Variants in CECR2 observed in about 807,000 individuals in gnomAD.
The protein encoded by CECR2 is chromatin remodeling regulator CECR2.
Under a neutral mutation model 154.5 loss-of-function variants are expected in CECR2, and 30 were observed. That is an observed-to-expected ratio of 0.19 (90% confidence interval 0.15 to 0.26). The LOEUF (loss-of-function observed/expected upper bound fraction) is 0.26, where lower values mean the gene tolerates loss of function less well. Ranked by LOEUF, CECR2 falls within the 10% of genes least tolerant of loss-of-function variation. CECR2 has a pLI of 1.00. For synonymous variants in CECR2, 725 were observed against 683.7 expected, an observed-to-expected ratio of 1.06 and a Z score of -0.94; for missense variants, 1,743 against 1,829.3, an observed-to-expected ratio of 0.95 and a Z score of 0.86.
intron 8 of CECR2, among the ~76,000 whole-genome samples, chr22:17,516,719 C>G (rs966299216): frequency 6.6e-6 from 1 of 152,148 alleles, no homozygotes; most frequent in African/African-American, 2.4e-5. Flanking sequence ...CTCAGCCTCA[C>G]GAGTAGCTGG....
At chr22:17,480,534 A>G (rs1344502273) in intron 2 of CECR2, among the ~76,000 whole-genome samples, 2 of 152,114 alleles carry the variant, frequency 1.3e-5, no homozygotes, top group Non-Finnish European at 2.9e-5. Flanking sequence ...GTAACAGAGA[A>G]CCTGGACAAG....
At chr22:17,431,243 T>A (rs1202688099) in intron 1 of CECR2, among the ~76,000 whole-genome samples, 1 of 152,226 alleles carries the variant, frequency 6.6e-6, no homozygotes, top group Non-Finnish European at 1.5e-5. Context: ...GATTGCTGTT[T>A]CTTTTACAGG....
chr22:17,480,856 G>A (rs1436213856), intron 2 of CECR2, among the ~76,000 whole-genome samples: 4 of 151,726 alleles, frequency 2.6e-5, no homozygotes, highest in Non-Finnish European at 4.4e-5. Context: ...TCTGGCCAAT[G>A]TGATGAAACC....
chr22:17,403,547 ACAT>A (rs1167292937), intron 1 of CECR2, among the ~76,000 whole-genome samples: 1 of 152,142 alleles, frequency 6.6e-6, no homozygotes, highest in Non-Finnish European at 1.5e-5. Context: ...TAGTTTTTTC[ACAT>A]CATCAATACT....
At chr22:17,528,727 G>T (rs2056305445) in intron 9 of CECR2, among the ~76,000 whole-genome samples, 1 of 152,096 alleles carries the variant, frequency 6.6e-6, no homozygotes, top group Non-Finnish European at 1.5e-5. Flanking sequence ...GTAGAGATGG[G>T]GTTTTGCCGT....
intron 1 of CECR2, among the ~76,000 whole-genome samples, chr22:17,432,253 C>A (rs13058087): frequency 6.6e-6 from 1 of 152,228 alleles, no homozygotes; most frequent in Non-Finnish European, 1.5e-5. Flanking sequence ...CTGGCTTTTT[C>A]ACTTAGCAGA....
At chr22:17,382,064 T>TG (rs1303341089) in intron 1 of CECR2, among the ~76,000 whole-genome samples, 2 of 151,666 alleles carry the variant, frequency 1.3e-5, no homozygotes, top group Non-Finnish European at 2.9e-5. Context: ...ATTTTTTTTT[T>TG]TTTTTTTAGT....
chr22:17,517,273 G>A (rs1406350076), intron 8 of CECR2, among the ~76,000 whole-genome samples: 5 of 152,192 alleles, frequency 3.3e-5, no homozygotes, highest in South Asian at 2.1e-4. Flanking sequence ...GTGCTAAGAC[G>A]TGCTTCCTTT....
chr22:17,408,962 C>G (rs1449251274), intron 1 of CECR2, among the ~76,000 whole-genome samples: 1 of 152,172 alleles, frequency 6.6e-6, no homozygotes, highest in Non-Finnish European at 1.5e-5. Context: ...GCTGTATCAG[C>G]TTTCTTTTCT....
intron 7 of CECR2, among the ~76,000 whole-genome samples, chr22:17,511,183 A>G (rs1323675311): frequency 1.3e-5 from 2 of 152,220 alleles, no homozygotes; most frequent in East Asian, 3.9e-4. Flanking sequence ...ACAAATTGCA[A>G]AACTTACATG....
chr22:17,438,374 C>G (rs1670068843), intron 1 of CECR2, among the ~76,000 whole-genome samples: 1 of 152,192 alleles, frequency 6.6e-6, no homozygotes, highest in Non-Finnish European at 1.5e-5. Flanking sequence ...TATTTAATCA[C>G]TTTGATGAGA....
intron 9 of CECR2, among the ~76,000 whole-genome samples, chr22:17,536,308 A>G (rs890098585): frequency 6.6e-6 from 1 of 152,082 alleles, no homozygotes; most frequent in Non-Finnish European, 1.5e-5. Context: ...CCTCCCTTCC[A>G]TCTTTGTGCC....
chr22:17,410,356 G>A (rs1555904578), intron 1 of CECR2, among the ~76,000 whole-genome samples: 2 of 152,094 alleles, frequency 1.3e-5, no homozygotes, highest in African/African-American at 2.4e-5. Context: ...GCCTTGTCAG[G>A]ATTTTTCTAA....
intron 1 of CECR2, among the ~76,000 whole-genome samples, chr22:17,470,331 G>A (rs1190612887): frequency 2.0e-5 from 3 of 151,210 alleles, no homozygotes; most frequent in East Asian, 1.9e-4. Context: ...CCAGCTACTC[G>A]GGTGGCTGAA....
chr22:17,447,937 G>GCA (rs2054703379), intron 1 of CECR2, among the ~76,000 whole-genome samples: 1 of 152,018 alleles, frequency 6.6e-6, no homozygotes, highest in South Asian at 2.1e-4. Context: ...TGCTGTGTTG[G>GCA]ACAGTGCAAA....
rs375401315 is a variant in CECR2, at chr22:17,504,829, C to T, written c.701-18C>T. ...CTCATGGGATCTCCTGTAGTGAATC[C>T]GTTCCTTTATTTTCTAGGGTCCCAA... On this transcript the variant is annotated intron_variant, in intron 6 of 18. Coordinates refer to ENST00000262608, the MANE Select transcript of CECR2 (RefSeq NM_001290047.2). 356 of 1,607,590 alleles carry T rather than the reference C, an allele frequency of 2.2e-4. 2 individuals carry two copies. In the African/African-American group the frequency reaches 4.0e-3, roughly 18 times the overall value.
intron 2 of CECR2, among the ~76,000 whole-genome samples, chr22:17,487,181 C>T (rs1288078557): frequency 6.6e-6 from 1 of 152,270 alleles, no homozygotes; most frequent in Admixed American, 6.5e-5. Flanking sequence ...TATATTCTCC[C>T]TGGAATTGCA....
In CECR2 at chr22:17,503,073, G is replaced by T; in HGVS notation, c.651-9G>T. The T allele has an allele frequency of 1.2e-6, 2 of 1,609,788 alleles. No homozygotes were observed. Among genetic ancestry groups the T allele is most frequent in the Non-Finnish European group, 8.5e-7 (1 of 1,177,990 alleles). ...GTTTTAATTGGCACCTCTTTTTCCT[G>T]TGTTTCAGTGAAAAGCAGGAAGAAA... On this transcript the variant is annotated splice_polypyrimidine_tract_variant and intron_variant, in intron 5 of 18. Transcript: ENST00000262608.
intron 9 of CECR2, among the ~76,000 whole-genome samples, chr22:17,532,869 C>T (rs1260669163): frequency 1.3e-5 from 2 of 151,226 alleles, no homozygotes; most frequent in Admixed American, 6.6e-5. Flanking sequence ...AGGCATGTGC[C>T]ACCACGCCTG....
Sources: gnomAD v4.1 joint callset for allele counts (sites outside exome capture counted in the v4.1 genomes callset) on GRCh38, gnomAD v4.1.1 for gene constraint, MANE v1.5 for transcripts, NCBI Gene and HGNC (gene_info 2026-07-23, HGNC 2026-07-21) for gene names.